GRID1: variants seen among roughly 807,000 people sequenced by gnomAD.
GRID1 encodes the protein glutamate ionotropic receptor delta type subunit 1.
GRID1 carries 28 observed loss-of-function variants against 98.0 expected under a neutral mutation model. The observed-to-expected ratio is 0.29, with a 90% CI of 0.21 to 0.39. The LOEUF is 0.39. GRID1 is among the 10% of genes least tolerant of loss of function. GRID1 has a pLI of 1.00. For missense variants in GRID1, 1,111 were observed against 1,340.5 expected, an observed-to-expected ratio of 0.83 and a Z score of 2.67; for synonymous variants, 553 against 538.5, an observed-to-expected ratio of 1.03 and a Z score of -0.37.
chr10:85,982,452 G>A (rs775052189), intron 4 of GRID1, among the ~76,000 whole-genome samples: 1 of 152,186 alleles, frequency 6.6e-6, no homozygotes. Context: ...GACTCAAGGG[G>A]TCAAGGGTGA....
chr10:85,741,630 C>G (rs1841944068), intron 8 of GRID1, among the ~76,000 whole-genome samples: 1 of 152,142 alleles, frequency 6.6e-6, no homozygotes, highest in South Asian at 2.1e-4. Flanking sequence ...CACTCCCTAT[C>G]TAAGCCTCCC....
In GRID1 at chr10:85,707,052, A is replaced by G. The variant is rs890762466; in HGVS notation, c.1997+15951T>C. On this transcript the variant is annotated intron_variant, in intron 12 of 15. Transcript: ENST00000327946. Reference sequence around the variant, plus strand: ...AATACCAATCAGGACATAGGCATGGACAAGGACTTCATGTCTAAAACACCA... The same window carrying G: ...AATACCAATCAGGACATAGGCATGGGCAAGGACTTCATGTCTAAAACACCA... Among the ~76,000 whole-genome samples the G allele has an allele frequency of 4.4e-3, 674 of 152,282 alleles. 4 individuals are homozygous for G. The highest frequency in any genetic ancestry group is 0.015 in the African/African-American group (642 of 41,586).
At chr10:86,072,619 T>C (rs974655346) in intron 4 of GRID1, among the ~76,000 whole-genome samples, 2 of 152,042 alleles carry the variant, frequency 1.3e-5, no homozygotes, top group African/African-American at 2.4e-5. Context: ...AAGGAGAAAA[T>C]AATTACCCTC....
chr10:85,860,752 C>G (rs1843156728), intron 6 of GRID1, among the ~76,000 whole-genome samples: 1 of 152,196 alleles, frequency 6.6e-6, no homozygotes, highest in Non-Finnish European at 1.5e-5. Flanking sequence ...GTGGATACAG[C>G]AAGCACTCAA....
intron 4 of GRID1, among the ~76,000 whole-genome samples, chr10:85,953,964 G>C (rs1310656822): frequency 6.6e-6 from 1 of 152,064 alleles, no homozygotes; most frequent in Non-Finnish European, 1.5e-5. Flanking sequence ...GTCTTAGCAG[G>C]AAAGGAAATT....
intron 5 of GRID1, among the ~76,000 whole-genome samples, chr10:85,910,445 TTGAAAGTCTGGAG>T (rs1253882989): frequency 1.3e-5 from 2 of 152,172 alleles, no homozygotes; most frequent in African/African-American, 4.8e-5. Context: ...TAGGGAAGAT[TTGAAAGTCTGGAG>T]TGATGTCCCT....
At chr10:86,326,335 A>G (rs1175869921) in intron 2 of GRID1, among the ~76,000 whole-genome samples, 2 of 152,220 alleles carry the variant, frequency 1.3e-5, no homozygotes, top group Non-Finnish European at 2.9e-5. Context: ...GCACCCACTG[A>G]CAGACATATA....
At chr10:86,066,906 A>C (rs141779922) in intron 4 of GRID1, among the ~76,000 whole-genome samples, 1 of 152,140 alleles carries the variant, frequency 6.6e-6, no homozygotes, top group Non-Finnish European at 1.5e-5. Flanking sequence ...CAAGCATCCC[A>C]TAGGTGCTGG....
chr10:85,900,785 T>A (rs930239588), intron 5 of GRID1, among the ~76,000 whole-genome samples: 1 of 152,170 alleles, frequency 6.6e-6, no homozygotes, highest in African/African-American at 2.4e-5. Flanking sequence ...CTTATGAGCA[T>A]CCCTGGTGCT....
intron 4 of GRID1, among the ~76,000 whole-genome samples, chr10:86,088,795 G>A (rs879343061): frequency 6.6e-6 from 1 of 152,112 alleles, no homozygotes; most frequent in African/African-American, 2.4e-5. Flanking sequence ...CTCAGGACCT[G>A]AGGAATGACA....
chr10:85,856,214 C>T (rs368013689), intron 6 of GRID1, 24 bp from the exon 7 acceptor site: 91 of 1,610,602 alleles, frequency 5.7e-5, no homozygotes, highest in Admixed American at 8.3e-5. Flanking sequence ...GGCAGTGAAA[C>T]CCTTTCCACA....
At chr10:86,074,374 C>T (rs1482750087) in intron 4 of GRID1, among the ~76,000 whole-genome samples, 3 of 152,146 alleles carry the variant, frequency 2.0e-5, no homozygotes, top group African/African-American at 4.8e-5. Flanking sequence ...GCTACCGCCA[C>T]GTGTTCAAAT....
chr10:85,844,776 A>C (rs1269982210), intron 8 of GRID1, among the ~76,000 whole-genome samples: 1 of 152,134 alleles, frequency 6.6e-6, no homozygotes, highest in East Asian at 1.9e-4. Context: ...ATAAAGAGAA[A>C]TGAGCACCAA....
intron 8 of GRID1, among the ~76,000 whole-genome samples, chr10:85,826,067 C>T (rs2131756547): frequency 6.6e-6 from 1 of 152,300 alleles, no homozygotes; most frequent in Admixed American, 6.5e-5. Context: ...TGGCTCACGC[C>T]TGTAATCCCA....
chr10:85,952,725 G>T (rs72845582), intron 4 of GRID1, among the ~76,000 whole-genome samples: 8,903 of 152,208 alleles, frequency 0.058, 272 homozygotes, highest in South Asian at 0.11. Flanking sequence ...TCTCTGGTAT[G>T]ATCCCCCCCT....
intron 4 of GRID1, among the ~76,000 whole-genome samples, chr10:86,016,093 G>A (rs1211553751): frequency 1.3e-5 from 2 of 151,642 alleles, no homozygotes; most frequent in African/African-American, 4.8e-5. Context: ...AGAGTGGTAG[G>A]AAGTAAACAA....
At chr10:85,971,864 C>A (rs1045056262) in intron 4 of GRID1, among the ~76,000 whole-genome samples, 1 of 152,106 alleles carries the variant, frequency 6.6e-6, no homozygotes, top group Non-Finnish European at 1.5e-5. Flanking sequence ...TAAGTGGGTG[C>A]ATATGCCCAC....
At chr10:85,762,632 G>T (rs1052950254) in intron 8 of GRID1, among the ~76,000 whole-genome samples, 7 of 152,302 alleles carry the variant, frequency 4.6e-5, no homozygotes, top group African/African-American at 7.2e-5. Flanking sequence ...AGGGCAAAAG[G>T]CTGCCAGCTC....
At chr10:86,249,561 C>A (rs570961244) in intron 2 of GRID1, among the ~76,000 whole-genome samples, 71 of 152,294 alleles carry the variant, frequency 4.7e-4, no homozygotes, top group Non-Finnish European at 8.1e-4. Flanking sequence ...TACCACACTC[C>A]ACCTCCATTT....
Sources: gnomAD v4.1 joint callset for allele counts (sites outside exome capture counted in the v4.1 genomes callset) on GRCh38, gnomAD v4.1.1 for gene constraint, MANE v1.5 for transcripts, NCBI Gene and HGNC (gene_info 2026-07-23, HGNC 2026-07-21) for gene names.